The following TRIM2 variants were observed in gnomAD, a reference collection of about 807,000 sequenced individuals.
TRIM2 encodes tripartite motif containing 2.
TRIM2 carries 20 observed loss-of-function variants against 75.2 expected under a neutral mutation model. The observed-to-expected ratio is 0.27, with a 90% CI of 0.19 to 0.39. The LOEUF (loss-of-function observed/expected upper bound fraction) is 0.39, where lower values mean the gene tolerates loss of function less well. TRIM2 is among the 10% of genes least tolerant of loss of function. The pLI is 1.00. For missense variants in TRIM2, 660 were observed against 990.8 expected (o/e 0.67, Z 4.48); for synonymous variants, 373 against 388.3 (o/e 0.96, Z 0.46).
intron 1 of TRIM2, among the ~76,000 whole-genome samples, chr4:153,253,186 C>T (rs555798493): frequency 6.6e-6 from 1 of 152,242 alleles, no homozygotes; most frequent in East Asian, 1.9e-4. Context: ...AAGAAGTTAA[C>T]CAGGGGCAGG....
chr4:153,216,653 G>A (rs1250452584), intron 1 of TRIM2, among the ~76,000 whole-genome samples: 1 of 152,178 alleles, frequency 6.6e-6, no homozygotes, highest in East Asian at 1.9e-4. Context: ...CGAATTTATA[G>A]ACAATAGAAA....
intron 2 of TRIM2, among the ~76,000 whole-genome samples, chr4:153,273,382 T>G (rs1757289816): frequency 6.8e-6 from 1 of 146,654 alleles, no homozygotes; most frequent in South Asian, 2.2e-4. Context: ...TTCACGCCAT[T>G]CTCCTGCCTC....
intron 8 of TRIM2, among the ~76,000 whole-genome samples, chr4:153,322,109 T>C (rs1184553062): frequency 6.6e-6 from 1 of 151,962 alleles, no homozygotes; most frequent in African/African-American, 2.4e-5. Flanking sequence ...TGATCTCTTT[T>C]AAGAATAAGG....
At chr4:153,170,623 G>A (rs530610986) in intron 1 of TRIM2, among the ~76,000 whole-genome samples, 25 of 152,234 alleles carry the variant, frequency 1.6e-4, no homozygotes, top group African/African-American at 6.0e-4. Flanking sequence ...TAAATTGTAG[G>A]CAAGCCCTGG....
At position 153,184,064 on chromosome 4, in the gene TRIM2, G is replaced by A. The variant is rs1732344129; in HGVS notation, c.-49+30794G>A. On this transcript the variant is annotated intron_variant, in intron 1 of 11. Transcript: ENST00000437508. Reference sequence around the variant, plus strand: ...GTGGAAGGCTAAGCTGCATGGGGATGAGCTTCCTGAAGGGCATGGGTGAAC... The same window carrying A: ...GTGGAAGGCTAAGCTGCATGGGGATAAGCTTCCTGAAGGGCATGGGTGAAC... 3.3e-5 allele frequency among the ~76,000 whole-genome samples: 5 copies of A among 152,206 alleles called. No homozygotes were observed. In the South Asian group the frequency reaches 1.0e-3, roughly 32 times the overall value.
chr4:153,293,200 G>C, intron 4 of TRIM2, 67 bp downstream of exon 4: 1 of 1,492,852 alleles, frequency 6.7e-7, no homozygotes, highest in African/African-American at 1.4e-5. Flanking sequence ...ATGGCCTCTT[G>C]TCTAGGTACA....
intron 1 of TRIM2, among the ~76,000 whole-genome samples, chr4:153,256,353 C>T (rs1436374571): frequency 6.6e-6 from 1 of 152,180 alleles, no homozygotes; most frequent in Non-Finnish European, 1.5e-5. Flanking sequence ...CACTGTAATG[C>T]TTGACTGCGT....
In TRIM2 at chr4:153,335,863, A is replaced by T; in HGVS notation, c.*897A>T. 1 of 985,804 alleles carries T rather than the reference A, an allele frequency of 1.0e-6. No individual in the cohort carries two copies. The highest frequency in any genetic ancestry group is 4.7e-5 in the South Asian group (1 of 21,278). 61.1% of individuals were successfully genotyped at this position (985,804 alleles called of 1,614,324 possible). ...TGAAAGCGAAAGCTTTACCTCCTGC[A>T]AATGTCAGCACATGTAGTAGGACAC... On this transcript the variant is annotated 3_prime_UTR_variant, in exon 12 of 12. Coordinates refer to ENST00000338700, the MANE Select transcript of TRIM2 (RefSeq NM_015271.5).
In TRIM2 at chr4:153,336,728, T is replaced by C; in HGVS notation, c.*1762T>C. 6 of 985,494 alleles carry C rather than the reference T, an allele frequency of 6.1e-6. No homozygotes were observed. Among genetic ancestry groups the C allele is most frequent in the Non-Finnish European group, 7.2e-6 (6 of 829,594 alleles). The allele number at this position is 985,494 out of a possible 1,614,324, so 61.0% of individuals were successfully genotyped here. ...TTCTCTATATAGGACTTCTTAAAAT[T>C]TAGAAGGGAAATCTAGCTACTTCAA... On this transcript the variant is annotated 3_prime_UTR_variant, in exon 12 of 12. Coordinates refer to ENST00000338700, the MANE Select transcript of TRIM2 (RefSeq NM_015271.5).
At chr4:153,236,228 C>T (rs573901063) in intron 1 of TRIM2, among the ~76,000 whole-genome samples, 2 of 152,130 alleles carry the variant, frequency 1.3e-5, no homozygotes, top group South Asian at 2.1e-4. Flanking sequence ...TACCCAGTGT[C>T]GGGTATTTCT....
chr4:153,223,356 T>C (rs1374135181), intron 1 of TRIM2, among the ~76,000 whole-genome samples: 1 of 152,206 alleles, frequency 6.6e-6, no homozygotes, highest in Non-Finnish European at 1.5e-5. Context: ...GAAAAAAAGA[T>C]ACTGAGCAAT....
intron 1 of TRIM2, among the ~76,000 whole-genome samples, chr4:153,262,277 C>T (rs771634191): frequency 6.6e-6 from 1 of 152,086 alleles, no homozygotes; most frequent in African/African-American, 2.4e-5. Flanking sequence ...AATTCCAAGG[C>T]TAGGGTTTTT....
intron 11 of TRIM2, among the ~76,000 whole-genome samples, chr4:153,333,495 C>T (rs891816655): frequency 6.6e-6 from 1 of 152,122 alleles, no homozygotes; most frequent in African/African-American, 2.4e-5. Flanking sequence ...GAAGATGTGA[C>T]CATTGGAGGA....
intron 1 of TRIM2, among the ~76,000 whole-genome samples, chr4:153,196,432 G>A (rs1180031066): frequency 6.6e-5 from 10 of 152,142 alleles, no homozygotes; most frequent in Non-Finnish European, 1.3e-4. Context: ...GCAAGACCCT[G>A]TCTCTTAAAA....
At position 153,266,254 on chromosome 4, in the gene TRIM2, T is replaced by C. The variant is rs147706581; in HGVS notation, c.31-4081T>C. Reference sequence around the variant, plus strand: ...GCATGCTAACGGCTCATTGCAGCCTTGACCTCCCGAGCTCAAGCACTCCTC... The same window carrying C: ...GCATGCTAACGGCTCATTGCAGCCTCGACCTCCCGAGCTCAAGCACTCCTC... On this transcript the variant is annotated intron_variant, in intron 1 of 11. Coordinates refer to ENST00000338700, the MANE Select transcript of TRIM2 (RefSeq NM_015271.5). Among the ~76,000 whole-genome samples, 421 of 151,648 alleles carry C rather than the reference T, an allele frequency of 2.8e-3. 2 individuals are homozygous for C. Among genetic ancestry groups the C allele is most frequent in the African/African-American group, 9.1e-3 (377 of 41,322 alleles).
chr4:153,308,039 C>T, intron 6 of TRIM2: 1 of 778,852 alleles, frequency 1.3e-6, no homozygotes, highest in Middle Eastern at 2.3e-4. Flanking sequence ...TCTTGATGCT[C>T]TCCAACATGT....
At chr4:153,176,102 C>G (rs1252717364) in intron 1 of TRIM2, among the ~76,000 whole-genome samples, 1 of 151,784 alleles carries the variant, frequency 6.6e-6, no homozygotes, top group Non-Finnish European at 1.5e-5. Flanking sequence ...GATATATGCA[C>G]TTCACCCTAA....
rs183650976 is a variant in TRIM2 at position 153,257,701 on chromosome 4, C to T, written c.31-12634C>T. 1.8e-3 allele frequency: 1,517 copies of T among 822,464 alleles called. 4 individuals are homozygous for T. Among genetic ancestry groups the T allele is most frequent in the Non-Finnish European group, 2.5e-3 (1,413 of 561,880 alleles). The allele number at this position is 822,464 out of a possible 1,614,324, so 50.9% of individuals were successfully genotyped here. ...GTTCTTTTGGATTGCCGCGTAGCTG[C>T]AGCGACAGACTTGGGAGGATTTAAT... On this transcript the variant is annotated intron_variant, in intron 1 of 11. Transcript: ENST00000338700.
intron 1 of TRIM2, among the ~76,000 whole-genome samples, chr4:153,206,219 C>T (rs186227910): frequency 6.6e-6 from 1 of 152,202 alleles, no homozygotes; most frequent in East Asian, 1.9e-4. Context: ...GCTGCCCCGA[C>T]CTCAGAGGCC....
Sources: gnomAD v4.1 joint callset for allele counts (sites outside exome capture counted in the v4.1 genomes callset) on GRCh38, gnomAD v4.1.1 for gene constraint, MANE v1.5 for transcripts, NCBI Gene and HGNC (gene_info 2026-07-23, HGNC 2026-07-21) for gene names.